RBMX: variants seen among roughly 807,000 people sequenced by gnomAD.
The protein encoded by RBMX is RNA binding motif protein X-linked, also known as RNA-binding motif protein, X chromosome.
Under a neutral mutation model 29.3 loss-of-function variants are expected in RBMX, and 1 was observed. That is an observed-to-expected ratio of 0.03 (90% CI 0.01 to 0.16). RBMX has a LOEUF of 0.16. Among genes scored for constraint, RBMX ranks in the 10% least tolerant of loss-of-function variants. The probability of loss-of-function intolerance (pLI) is 1.00; values close to 1 mark genes in which losing one functional copy is unlikely to be tolerated. For synonymous variants in RBMX, 102 were observed against 102.3 expected (o/e 1.00, Z 0.02); for missense variants, 121 against 333.2 (o/e 0.36, Z 4.96).
At position 136,877,015 on chromosome X, in the gene RBMX, A is replaced by C. The variant is rs79722321; in HGVS notation, c.389-360T>G. Among the ~76,000 whole-genome samples the C allele has an allele frequency of 5.4e-3, 576 of 107,535 alleles. 7 individuals are homozygous for C. Among genetic ancestry groups the C allele is most frequent in the East Asian group, 0.039 (125 of 3,204 alleles). 93.4% of individuals were successfully genotyped at this position (107,535 alleles called of 115,157 possible). A position where few individuals can be genotyped will look rare whatever the true frequency, so the allele number is the denominator to read the frequency against. ...GTGTGAGCCACCAGGCTCGGCCACT[A>C]TAAAAGTTTTCTTTGCTTCATCAAG... is the stretch of plus-strand genomic sequence containing the variant. On this transcript the variant is annotated intron_variant, in intron 4 of 8. Transcript: ENST00000320676.
In RBMX at chrX:136,875,282, T is replaced by C; in HGVS notation, c.758A>G (p.Asp253Gly). ...YRDYGHSSSR[D>G]DYPSRGYSDR... ...CCTATATCCTCTTGATGGATAGTCA[T>C]CACGTGAACTGGAATGACCATAATC... The change falls in exon 7 of 9, where the codon GAT becomes GGT. Residue 253 changes from aspartate to glycine, a missense_variant. By Grantham distance (94) the Asp-to-Gly change is moderately conservative. This residue lies in a region of RBMX where 114 missense variants were observed against 260.0 expected (regional missense o/e 0.44). Transcript: ENST00000320676. 8.3e-7 allele frequency: 1 copy of C among 1,211,717 alleles called. No individual in the cohort carries two copies. The highest frequency in any genetic ancestry group is 1.1e-6 in the Non-Finnish European group (1 of 895,361).
At chrX:136,872,647 G>T, downstream of RBMX, 1 of 246,158 alleles carries the variant, frequency 4.1e-6, no homozygotes, top group Non-Finnish European at 7.2e-6. Flanking sequence ...TGCAGTATAA[G>T]GATTTTTAGT....
intron 1 of RBMX, among the ~76,000 whole-genome samples, chrX:136,880,042 G>A (rs1349130162): frequency 4.5e-5 from 5 of 112,066 alleles, no homozygotes; most frequent in Non-Finnish European, 9.4e-5. Context: ...TTAAGTAACG[G>A]AACGCGGACG....
At chrX:136,874,945 G>C in intron 8 of RBMX, 141 bp downstream of exon 8, 1 of 1,047,517 alleles carries the variant, frequency 9.5e-7, no homozygotes. Flanking sequence ...ACAAAACTAG[G>C]AAAAGCCCAG....
intron 1 of RBMX, 146 bp downstream of exon 1, chrX:136,880,451 C>T (rs1018108281): frequency 1.8e-5 from 2 of 112,002 alleles, no homozygotes; most frequent in African/African-American, 6.5e-5. Context: ...TGTTTTCCCT[C>T]GACCCCCTCA....
downstream of RBMX, among the ~76,000 whole-genome samples, chrX:136,870,974 C>G (rs1227667037): frequency 9.3e-6 from 1 of 107,418 alleles, no homozygotes; most frequent in East Asian, 2.9e-4. Flanking sequence ...TAATAACCGA[C>G]ATAGTGGCAG....
At chrX:136,879,188 G>A (rs1433164248) in intron 2 of RBMX, 65 bp from the exon 3 acceptor site, 2 of 1,207,208 alleles carry the variant, frequency 1.7e-6, no homozygotes, top group Admixed American at 2.2e-5. Flanking sequence ...CAAAGTAAAT[G>A]TGTAAACAGA....
At position 136,876,498 on chromosome X, in the gene RBMX, T is replaced by C. The variant is rs1209323172; in HGVS notation, c.541+5A>G. The C allele has an allele frequency of 1.7e-6, 2 of 1,167,996 alleles. No homozygotes were observed. The highest frequency in any genetic ancestry group is 5.5e-5 in the Admixed American group (2 of 36,480). On this transcript the variant is annotated splice_donor_5th_base_variant and intron_variant, in intron 5 of 8. Coordinates refer to ENST00000320676, the MANE Select transcript of RBMX (RefSeq NM_002139.4). ...AGCATAAATCATCATACATGGAACATTTACCTCTTCCTCCCATTCCACTGC... is the reference window on the plus strand; with the variant it reads ...AGCATAAATCATCATACATGGAACACTTACCTCTTCCTCCCATTCCACTGC...
In RBMX at chrX:136,876,552, T is replaced by C. The variant is rs770844181; in HGVS notation, c.492A>G (p.Arg164=). ...TGCGAACTGGTCCTGAAGGTGCAGATCTCTTAGGAGGAGGACCCCCACTTC... is the reference window on the plus strand; with the variant it reads ...TGCGAACTGGTCCTGAAGGTGCAGACCTCTTAGGAGGAGGACCCCCACTTC... The part of the protein sequence containing the change: ...PPRSGGPPPK[R]SAPSGPVRSS... Residue 164 remains arginine (R), a synonymous_variant, in exon 5 of 9, where the codon AGA becomes AGG. Coordinates refer to ENST00000320676, the MANE Select transcript of RBMX (RefSeq NM_002139.4). 1.2e-5 allele frequency: 15 copies of C among 1,204,789 alleles called. No individual in the cohort carries two copies. Among genetic ancestry groups the C allele is most frequent in the Non-Finnish European group, 1.7e-5 (15 of 893,398 alleles).
intron 3 of RBMX, among the ~76,000 whole-genome samples, chrX:136,878,636 T>G (rs868686124): frequency 2.2e-3 from 1 of 454 alleles, no homozygotes; most frequent in Non-Finnish European, 0.013. Context: ...TCCCAGCTAC[T>G]GGGGGGGGGG....
downstream of RBMX, chrX:136,869,748 G>T (rs1179936716): frequency 9.0e-6 from 1 of 111,721 alleles, no homozygotes; most frequent in Non-Finnish European, 1.9e-5. Flanking sequence ...TATAAGTTGG[G>T]TTAGTTCCTC....
chrX:136,879,516 A>C, intron 1 of RBMX, 63 bp from the exon 2 acceptor site: 1 of 891,392 alleles, frequency 1.1e-6, no homozygotes, highest in Non-Finnish European at 1.6e-6. Context: ...GGACACTTTT[A>C]CTTTCGCACA....
intron 4 of RBMX, among the ~76,000 whole-genome samples, chrX:136,877,232 T>C (rs2077739567): frequency 9.7e-6 from 1 of 103,404 alleles, no homozygotes; most frequent in Non-Finnish European, 2.0e-5. Flanking sequence ...CTTGGGAGGC[T>C]GAGGCAGGAC....
intron 4 of RBMX, 83 bp from the exon 5 acceptor site, chrX:136,876,738 C>G: frequency 6.1e-6 from 5 of 824,769 alleles, no homozygotes; most frequent in Non-Finnish European, 8.2e-6. Context: ...TTTTGAGAGT[C>G]TCACTGTCGC....
At chrX:136,876,984 T>C (rs2077737189) in intron 4 of RBMX, among the ~76,000 whole-genome samples, 1 of 107,163 alleles carries the variant, frequency 9.3e-6, no homozygotes, top group African/African-American at 3.4e-5. Context: ...AGTGCTGGGA[T>C]TGCAGGTGTG....
downstream of RBMX, among the ~76,000 whole-genome samples, chrX:136,871,519 A>C (rs756395977): frequency 9.0e-6 from 1 of 111,218 alleles, no homozygotes; most frequent in East Asian, 2.8e-4. Flanking sequence ...AAATTATGTT[A>C]AACAGGGAGC....
intron 8 of RBMX, 117 bp from the exon 9 acceptor site, chrX:136,874,569 G>C (rs2077709548): frequency 2.2e-6 from 2 of 895,256 alleles, no homozygotes; most frequent in Admixed American, 3.3e-5. Context: ...CTGGGTGGGA[G>C]GTTTTAAACT....
chrX:136,877,335 C>G (rs993996198), intron 4 of RBMX, among the ~76,000 whole-genome samples: 9 of 83,082 alleles, frequency 1.1e-4, no homozygotes, highest in African/African-American at 3.8e-4. Context: ...TCTACCCCCC[C>G]CCCCCCAAAA....
intron 1 of RBMX, among the ~76,000 whole-genome samples, 192 bp downstream of exon 1, chrX:136,880,405 T>C (rs2077786921): frequency 8.9e-6 from 1 of 112,079 alleles, no homozygotes; most frequent in African/African-American, 3.2e-5. Context: ...AGCCAAACTT[T>C]CTCGAGAAGC....
Sources: allele counts gnomAD v4.1 joint callset (sites outside exome capture counted in the v4.1 genomes callset), GRCh38; gene constraint gnomAD v4.1.1; regional missense constraint gnomAD v4.1.1; transcripts MANE v1.5; gene names NCBI Gene and HGNC (gene_info 2026-07-23, HGNC 2026-07-21).